Variants in GALNT13 observed in about 807,000 individuals in gnomAD.
GALNT13 encodes the protein UDP-GalNAc:polypeptide N-acetylgalactosaminyltransferase 13.
A neutral mutation model predicts 64.2 loss-of-function variants in GALNT13; 28 were observed. The ratio of observed to expected loss-of-function variants is 0.44; its 90% CI spans 0.32 to 0.60. The LOEUF (loss-of-function observed/expected upper bound fraction) is 0.60. Ranked by LOEUF, GALNT13 falls within the 20% of genes least tolerant of loss-of-function variation. The pLI, the probability that GALNT13 is intolerant of heterozygous loss-of-function variation, is 0.05. For missense variants in GALNT13, 577 were observed against 669.8 expected (o/e 0.86, Z 1.53); for synonymous variants, 214 against 224.6 (o/e 0.95, Z 0.42).
chr2:153,433,895 T>C, the GALNT13 span, among the ~76,000 whole-genome samples: 246 of 152,208 alleles, frequency 1.6e-3, no homozygotes, highest in African/African-American at 5.6e-3. Flanking sequence ...TTGTTACATA[T>C]GTATACATGT....
At chr2:153,384,664 T>TA in the GALNT13 span, among the ~76,000 whole-genome samples, 1 of 152,012 alleles carries the variant, frequency 6.6e-6, no homozygotes, top group Non-Finnish European at 1.5e-5. Flanking sequence ...TTCAAAAATT[T>TA]AAAAAACAAT....
intron 3 of GALNT13, among the ~76,000 whole-genome samples, chr2:153,966,219 CTTTTTT>C (rs761961683): frequency 1.7e-5 from 2 of 120,118 alleles, no homozygotes; most frequent in East Asian, 4.9e-4. Flanking sequence ...GGTTGGATTT[CTTTTTT>C]TTTTTTTTTT....
chr2:153,972,892 A>G (rs190807446), intron 3 of GALNT13, among the ~76,000 whole-genome samples: 125 of 152,154 alleles, frequency 8.2e-4, no homozygotes, highest in South Asian at 8.3e-4. Context: ...TAGAGTTAGT[A>G]ATCCTGTGAC....
the GALNT13 span, among the ~76,000 whole-genome samples, chr2:153,723,310 C>A: frequency 6.7e-3 from 1,002 of 149,688 alleles, 13 homozygotes; most frequent in African/African-American, 0.023. Flanking sequence ...ATTTCAAAAT[C>A]ATAAGAGCTA....
At chr2:154,164,497 T>C (rs1174055444) in intron 4 of GALNT13, among the ~76,000 whole-genome samples, 1 of 152,100 alleles carries the variant, frequency 6.6e-6, no homozygotes, top group Non-Finnish European at 1.5e-5. Flanking sequence ...CAAGGAAAGA[T>C]ACGACAGATT....
chr2:153,465,436 A>G, the GALNT13 span, among the ~76,000 whole-genome samples: 14 of 151,370 alleles, frequency 9.2e-5, no homozygotes, highest in South Asian at 1.3e-3. Flanking sequence ...TTCCCAAATA[A>G]CAATAAAATG....
At chr2:153,427,556 T>TG in the GALNT13 span, among the ~76,000 whole-genome samples, 1 of 152,032 alleles carries the variant, frequency 6.6e-6, no homozygotes, top group African/African-American at 2.4e-5. Context: ...ACATTAGCCT[T>TG]GGGAAAAAAG....
intron 2 of GALNT13, among the ~76,000 whole-genome samples, chr2:153,941,131 C>A (rs908698256): frequency 6.6e-6 from 1 of 151,948 alleles, no homozygotes; most frequent in Non-Finnish European, 1.5e-5. Flanking sequence ...ATCTCCGTTC[C>A]ATTACAGGCA....
chr2:154,336,212 C>T (rs1183484946), intron 9 of GALNT13, among the ~76,000 whole-genome samples: 2 of 152,134 alleles, frequency 1.3e-5, no homozygotes, highest in Middle Eastern at 6.8e-3. Context: ...TGGGGCAATC[C>T]AAATGGTTAA....
chr2:153,712,113 T>C, the GALNT13 span, among the ~76,000 whole-genome samples: 1 of 152,188 alleles, frequency 6.6e-6, no homozygotes, highest in Non-Finnish European at 1.5e-5. Flanking sequence ...CTTTAGAAAC[T>C]TCAAGGGTAA....
intron 11 of GALNT13, chr2:154,437,382 A>C: frequency 2.7e-6 from 1 of 374,110 alleles, no homozygotes; most frequent in Non-Finnish European, 4.4e-6. Flanking sequence ...AGTTTATGTT[A>C]TTTGTAAAGC....
chr2:153,447,384 C>T, the GALNT13 span, among the ~76,000 whole-genome samples: 32 of 152,244 alleles, frequency 2.1e-4, no homozygotes, highest in East Asian at 5.4e-3. Flanking sequence ...TGCAAGGTGT[C>T]AGATAGGAGC....
At chr2:154,330,537 AG>A (rs1182770438) in intron 9 of GALNT13, among the ~76,000 whole-genome samples, 1 of 152,090 alleles carries the variant, frequency 6.6e-6, no homozygotes, top group Non-Finnish European at 1.5e-5. Context: ...TTAACTGACG[AG>A]GCTGTGTGGT....
the GALNT13 span, among the ~76,000 whole-genome samples, chr2:153,095,272 A>G: frequency 6.6e-6 from 1 of 152,260 alleles, no homozygotes; most frequent in African/African-American, 2.4e-5. Context: ...TATGCAGCCA[A>G]CAGACACATG....
chr2:153,892,501 G>A (rs1679536152), intron 1 of GALNT13, among the ~76,000 whole-genome samples: 2 of 151,790 alleles, frequency 1.3e-5, no homozygotes, highest in South Asian at 4.2e-4. Context: ...TATTTGAAAG[G>A]CCCCAGATTT....
chr2:153,792,497 C>T, the GALNT13 span, among the ~76,000 whole-genome samples: 1 of 151,958 alleles, frequency 6.6e-6, no homozygotes. Context: ...GGAACCACTC[C>T]CTAAAGAAAC....
At chr2:153,348,079 G>T in the GALNT13 span, among the ~76,000 whole-genome samples, 1 of 152,140 alleles carries the variant, frequency 6.6e-6, no homozygotes, top group Non-Finnish European at 1.5e-5. Context: ...AATTTGGAGA[G>T]GGGGGTGTCC....
At chr2:153,890,318 A>G (rs899078476) in intron 1 of GALNT13, among the ~76,000 whole-genome samples, 5 of 152,014 alleles carry the variant, frequency 3.3e-5, no homozygotes, top group African/African-American at 1.2e-4. Context: ...TTTATGGGAA[A>G]ATATGTGCCT....
rs773489055 is a variant in GALNT13 at position 154,242,957 on chromosome 2, C to G, written c.686+52C>G. 4 of 1,412,554 alleles carry G rather than the reference C, an allele frequency of 2.8e-6. No homozygotes were observed. In the Admixed American group the frequency reaches 7.4e-5, roughly 26 times the overall value. The allele number at this position is 1,412,554 out of a possible 1,614,324, so 87.5% of individuals were successfully genotyped here. A position where few individuals can be genotyped will look rare whatever the true frequency, so the allele number is the denominator to read the frequency against. On this transcript the variant is annotated intron_variant, in intron 6 of 12. Coordinates refer to ENST00000392825, the MANE Select transcript of GALNT13 (RefSeq NM_052917.4). ...TGGGTTATGACTGAACCTCTTAGGA[C>G]AGTTCCAGATGTCCATCAGAATTTC...
Sources: allele counts gnomAD v4.1 joint callset (sites outside exome capture counted in the v4.1 genomes callset), GRCh38; gene constraint gnomAD v4.1.1; transcripts MANE v1.5; gene names NCBI Gene and HGNC (gene_info 2026-07-23, HGNC 2026-07-21).